The following RESF1 variants were observed in gnomAD, a reference collection of about 807,000 sequenced individuals.
RESF1 encodes the protein retroelement silencing factor 1.
A neutral mutation model predicts 134.7 loss-of-function variants in RESF1; 65 were observed. That is an observed-to-expected ratio of 0.48 (90% confidence interval 0.40 to 0.59). The LOEUF (loss-of-function observed/expected upper bound fraction) is 0.59. Ranked by LOEUF, RESF1 falls within the 20% of genes least tolerant of loss-of-function variation. The probability of loss-of-function intolerance (pLI) is 0.00; values close to 1 mark genes in which losing one functional copy is unlikely to be tolerated. For synonymous variants in RESF1, 762 were observed against 702.2 expected (o/e 1.09, Z -1.35); for missense variants, 2,274 against 2,002.7 (o/e 1.14, Z -2.59).
At chr12:31,962,332 A>G (rs75593565) in intron 2 of RESF1, among the ~76,000 whole-genome samples, 2,180 of 152,130 alleles carry the variant, frequency 0.014, 31 homozygotes, top group Non-Finnish European at 0.022. Context: ...CAGGGAGTGT[A>G]TTCATTTTGA....
intron 4 of RESF1, 23 bp downstream of exon 4, chr12:31,985,980 G>T (rs780061455): frequency 6.9e-7 from 1 of 1,441,132 alleles, no homozygotes; most frequent in Non-Finnish European, 9.1e-7. Context: ...TTTCTTGGTG[G>T]TGTCTACAAT....
Position 31,985,070 on chromosome 12 carries a change from A to G in RESF1, c.4115A>G (p.Lys1372Arg). ...IKLKLKSVSF[K>R]QKRKLDQGNV... is the part of the protein sequence containing the mutation. Reference sequence around the variant, plus strand: ...TTGAAACTCAAATCAGTTAGCTTCAAACAAAAACGAAAGTTAGACCAAGGG... The same window carrying G: ...TTGAAACTCAAATCAGTTAGCTTCAGACAAAAACGAAAGTTAGACCAAGGG... The change falls in exon 4 of 6, where the codon AAA becomes AGA. Residue 1372 changes from lysine to arginine, a missense_variant. Coordinates refer to ENST00000312561, the MANE Select transcript of RESF1 (RefSeq NM_018169.4). 1 of 1,573,102 alleles carries G rather than the reference A, an allele frequency of 6.4e-7. No homozygotes were observed. The highest frequency in any genetic ancestry group is 8.6e-7 in the Non-Finnish European group (1 of 1,167,452).
chr12:31,969,121 A>G (rs1939457368), intron 2 of RESF1, among the ~76,000 whole-genome samples: 1 of 152,028 alleles, frequency 6.6e-6, no homozygotes. Flanking sequence ...TTCTATTTTT[A>G]TTTTTATTTT....
At position 31,962,571 on chromosome 12, in the gene RESF1, C is replaced by A. The variant is rs573500371; in HGVS notation, c.-247+1700C>A. ...TAAATAATCTCAAGTGAGATTGGAACTATACATTTTATGCTCCTGGTTTTC... is the reference window on the plus strand; with the variant it reads ...TAAATAATCTCAAGTGAGATTGGAAATATACATTTTATGCTCCTGGTTTTC... On this transcript the variant is annotated intron_variant, in intron 2 of 5. Coordinates refer to ENST00000312561, the MANE Select transcript of RESF1 (RefSeq NM_018169.4). 133 of 152,286 alleles carry A rather than the reference C, an allele frequency of 8.7e-4. 1 individual carries two copies. The highest frequency in any genetic ancestry group is 3.1e-3 in the African/African-American group (130 of 41,556). The allele number at this position is 152,286 out of a possible 1,614,324, so 9.4% of individuals were successfully genotyped here.
chr12:31,970,833 A>C (rs888407275), intron 3 of RESF1, among the ~76,000 whole-genome samples: 1 of 152,194 alleles, frequency 6.6e-6, no homozygotes, highest in South Asian at 2.1e-4. Flanking sequence ...CCTCCAACGA[A>C]AAAAGACAAT....
Position 31,983,454 on chromosome 12 carries a change from A to G in RESF1, c.2499A>G (p.Pro833=). ...CAGCAACATCAACCAAGATTTTTCC[A>G]CTAACTCAGAAGGAAAAGCAGAATG... The part of the protein sequence containing the change: ...ASTATSTKIF[P]LTQKEKQNES... Residue 833 remains proline (P), a synonymous_variant, in exon 4 of 6, where the codon CCA becomes CCG. Transcript: ENST00000312561. 2 of 1,614,042 alleles carry G rather than the reference A, an allele frequency of 1.2e-6. No homozygotes were observed. The highest frequency in any genetic ancestry group is 1.7e-6 in the Non-Finnish European group (2 of 1,179,972).
At position 31,981,702 on chromosome 12, in the gene RESF1, T is replaced by G. The variant is rs751248531; in HGVS notation, c.747T>G (p.Leu249=). The G allele has an allele frequency of 6.2e-7, 1 of 1,613,790 alleles. No homozygotes were observed. The highest frequency in any genetic ancestry group is 1.1e-5 in the South Asian group (1 of 91,084). The change falls in exon 4 of 6, where the codon CTT becomes CTG. Residue 249 remains leucine (L), a synonymous_variant. Transcript: ENST00000312561. ...HTSLQVKNSQ[L]LNSVLTLPSR... ...CATTGCAAGTTAAAAATAGTCAGCTTCTAAATTCTGTATTAACTTTACCAT... is the reference window on the plus strand; with the variant it reads ...CATTGCAAGTTAAAAATAGTCAGCTGCTAAATTCTGTATTAACTTTACCAT...
At chr12:31,972,587 CAG>C (rs1156715586) in intron 3 of RESF1, among the ~76,000 whole-genome samples, 2 of 124,892 alleles carry the variant, frequency 1.6e-5, no homozygotes, top group Non-Finnish European at 3.1e-5. Flanking sequence ...GCCTGGGTGA[CAG>C]AGTGAGACTC....
At chr12:31,986,158 A>G (rs1939968386) in intron 4 of RESF1, among the ~76,000 whole-genome samples, 1 of 152,164 alleles carries the variant, frequency 6.6e-6, no homozygotes, top group African/African-American at 2.4e-5. Flanking sequence ...CTTATTGTAA[A>G]TTGTAGAAAA....
In RESF1 at chr12:31,984,303, A is replaced by C; in HGVS notation, c.3348A>C (p.Glu1116Asp). The C allele has an allele frequency of 1.9e-6, 3 of 1,613,728 alleles. No individual in the cohort carries two copies. The highest frequency in any genetic ancestry group is 2.5e-6 in the Non-Finnish European group (3 of 1,179,904). ...ITILSSEQMK[E>D]IFPEQDDQPY... ...TATTAAGCTCAGAGCAAATGAAAGA[A>C]ATATTTCCTGAACAGGATGATCAAC... The change falls in exon 4 of 6, where the codon GAA becomes GAC. Residue 1116 changes from glutamate (E) to aspartate (D), a missense_variant. By Grantham distance (45) the Glu-to-Asp change is conservative. Coordinates refer to ENST00000312561, the MANE Select transcript of RESF1 (RefSeq NM_018169.4).
chr12:31,967,651 C>T (rs994453857), intron 2 of RESF1, among the ~76,000 whole-genome samples: 20 of 150,636 alleles, frequency 1.3e-4, no homozygotes, highest in Admixed American at 6.6e-4. Flanking sequence ...AGCCTGCCTC[C>T]GCAGGGGGGA....
rs1273283072 is a variant in RESF1 at position 31,982,531 on chromosome 12, A to G, written c.1576A>G (p.Thr526Ala). ...PDSSHDVKVL[T>A]SKTSAVEMTQ... The stretch of plus-strand genomic sequence containing the variant: ...CTCATCTCATGATGTGAAAGTTCTC[A>G]CTTCAAAGACATCAGCTGTTGAGAT... Residue 526 changes from threonine (T) to alanine (A), a missense_variant, in exon 4 of 6, where the codon ACT becomes GCT. Coordinates refer to ENST00000312561, the MANE Select transcript of RESF1 (RefSeq NM_018169.4). 1.4e-5 allele frequency: 23 copies of G among 1,613,764 alleles called. No individual in the cohort carries two copies. The highest frequency in any genetic ancestry group is 1.9e-5 in the Non-Finnish European group (23 of 1,180,016).
intron 5 of RESF1, among the ~76,000 whole-genome samples, chr12:31,991,748 G>C (rs942415971): frequency 6.6e-6 from 1 of 152,084 alleles, no homozygotes; most frequent in Non-Finnish European, 1.5e-5. Flanking sequence ...ACAGGGTTTC[G>C]CCATGTTGGC....
At chr12:31,975,587 CTT>C (rs1226053916) in intron 3 of RESF1, among the ~76,000 whole-genome samples, 4 of 152,180 alleles carry the variant, frequency 2.6e-5, no homozygotes, top group South Asian at 2.1e-4. Flanking sequence ...AGGGAACACA[CTT>C]GTGTGTAAGT....
intron 2 of RESF1, among the ~76,000 whole-genome samples, chr12:31,968,708 A>C (rs1266568322): frequency 2.0e-5 from 3 of 152,030 alleles, no homozygotes; most frequent in African/African-American, 4.8e-5. Flanking sequence ...TCTGCCTCCC[A>C]AAGTGCTGGG....
intron 2 of RESF1, among the ~76,000 whole-genome samples, chr12:31,966,900 G>A (rs1043237207): frequency 2.0e-5 from 3 of 152,196 alleles, no homozygotes; most frequent in African/African-American, 7.2e-5. Flanking sequence ...CAGCTTCACC[G>A]TGGTGCCCTG....
chr12:31,983,017 G>A lies in RESF1; in HGVS notation c.2062G>A (p.Ala688Thr), dbSNP rs545635934. The A allele has an allele frequency of 6.9e-5, 111 of 1,613,950 alleles. No individual in the cohort carries two copies. The highest frequency in any genetic ancestry group is 8.6e-5 in the Non-Finnish European group (102 of 1,180,008). ...GTGGAAAAAGCAACCTTCAGATACT[G>A]CAAAAGAAAAGGAGTGTGATAAACT... ...SLWKKQPSDT[A>T]KEKECDKLRT... The change falls in exon 4 of 6, where the codon GCA (alanine) becomes ACA (threonine). Residue 688 changes from alanine (A) to threonine (T), a missense_variant. Coordinates refer to ENST00000312561, the MANE Select transcript of RESF1 (RefSeq NM_018169.4).
rs1430497001 is a variant in RESF1, at chr12:31,985,526, C to G, written c.4571C>G (p.Ser1524Cys). Reference sequence around the variant, plus strand: ...GGTAAAAACCTCAAAATCCACCATTCTCAGGAGTCTAAAACATACAACATT... The same window carrying G: ...GGTAAAAACCTCAAAATCCACCATTGTCAGGAGTCTAAAACATACAACATT... Reference protein sequence around the residue: ...SHGKNLKIHHSQESKTYNILR... With the variant: ...SHGKNLKIHHCQESKTYNILR... The change falls in exon 4 of 6, where the codon TCT becomes TGT. Residue 1524 changes from serine to cysteine, a missense_variant. Transcript: ENST00000312561. 1.9e-6 allele frequency: 3 copies of G among 1,600,990 alleles called. No homozygotes were observed. Among genetic ancestry groups the G allele is most frequent in the South Asian group, 2.3e-5 (2 of 88,356 alleles).
chr12:31,984,017 A>G lies in RESF1; in HGVS notation c.3062A>G (p.Tyr1021Cys). 6.2e-7 allele frequency: 1 copy of G among 1,614,008 alleles called. No homozygotes were observed. The highest frequency in any genetic ancestry group is 8.5e-7 in the Non-Finnish European group (1 of 1,179,958). The change falls in exon 4 of 6, where the codon TAC becomes TGC. Residue 1021 changes from tyrosine (Y) to cysteine (C), a missense_variant. Transcript: ENST00000312561. ...TCAGCTGCTATTCAGGAGGATATTT[A>G]CCCTCAGGAAATAGATGCATCCAGC... ...CSSAAIQEDI[Y>C]PQEIDASSNY... is the part of the protein sequence containing the mutation.
Sources: allele counts gnomAD v4.1 joint callset (sites outside exome capture counted in the v4.1 genomes callset), GRCh38; gene constraint gnomAD v4.1.1; transcripts MANE v1.5; gene names NCBI Gene and HGNC (gene_info 2026-07-23, HGNC 2026-07-21).